Variants in ZMYND8 observed in about 807,000 individuals in gnomAD.
ZMYND8 encodes zinc finger MYND-type containing 8.
A neutral mutation model predicts 140.8 loss-of-function variants in ZMYND8; 37 were observed. The observed-to-expected ratio is 0.26, with a 90% CI of 0.20 to 0.35. The LOEUF is 0.35. Among genes scored for constraint, ZMYND8 ranks in the 10% least tolerant of loss-of-function variants. The pLI is 1.00. For synonymous variants in ZMYND8, 592 were observed against 597.1 expected, an observed-to-expected ratio of 0.99 and a Z score of 0.12; for missense variants, 1,068 against 1,570.0, an observed-to-expected ratio of 0.68 and a Z score of 5.40.
chr20:47,223,683 G>A (rs1025403136), intron 19 of ZMYND8, among the ~76,000 whole-genome samples: 5 of 151,648 alleles, frequency 3.3e-5, no homozygotes, highest in South Asian at 2.1e-4. Flanking sequence ...AAAATTAGCC[G>A]GGCATAGTGG....
chr20:47,268,659 C>A (rs528041936), intron 11 of ZMYND8, among the ~76,000 whole-genome samples: 2 of 151,252 alleles, frequency 1.3e-5, no homozygotes, highest in African/African-American at 4.9e-5. Context: ...CGCCTGTAAC[C>A]CCAGCTGTTC....
At chr20:47,346,156 G>A (rs2148584497) in intron 2 of ZMYND8, among the ~76,000 whole-genome samples, 1 of 152,172 alleles carries the variant, frequency 6.6e-6, no homozygotes, top group East Asian at 1.9e-4. Context: ...GCAGAACAGG[G>A]ACAAGACCCC....
chr20:47,254,332 C>A (rs967936872), intron 12 of ZMYND8, among the ~76,000 whole-genome samples: 2 of 152,186 alleles, frequency 1.3e-5, no homozygotes, highest in Non-Finnish European at 2.9e-5. Context: ...AAAATGTCGC[C>A]GCATGTGGCC....
intron 11 of ZMYND8, among the ~76,000 whole-genome samples, chr20:47,269,860 G>A (rs2075801375): frequency 6.6e-6 from 1 of 152,236 alleles, no homozygotes; most frequent in Non-Finnish European, 1.5e-5. Flanking sequence ...GATGAGCAGA[G>A]CATGGCCAGA....
chr20:47,255,716 A>ATG (rs1256666818), intron 12 of ZMYND8, among the ~76,000 whole-genome samples: 436 of 28,592 alleles, frequency 0.015, 13 homozygotes, highest in East Asian at 0.081. Context: ...TATACCGTGT[A>ATG]TGTGTGTATA....
intron 11 of ZMYND8, among the ~76,000 whole-genome samples, chr20:47,270,536 C>T (rs1189426487): frequency 6.6e-6 from 1 of 151,422 alleles, no homozygotes; most frequent in Non-Finnish European, 1.5e-5. Flanking sequence ...TGTGATGTAG[C>T]TTTTATTTAG....
At chr20:47,297,242 A>T (rs2077701015) in intron 4 of ZMYND8, among the ~76,000 whole-genome samples, 1 of 152,130 alleles carries the variant, frequency 6.6e-6, no homozygotes, top group South Asian at 2.1e-4. Context: ...TATCATCGTC[A>T]TCATATTGAT....
intron 11 of ZMYND8, 134 bp from the exon 12 acceptor site, chr20:47,262,562 T>G (rs938472161): frequency 1.6e-6 from 2 of 1,220,646 alleles, no homozygotes; most frequent in African/African-American, 3.0e-5. Flanking sequence ...GTATCACGAA[T>G]GGGGTGGGGT....
chr20:47,336,907 C>T (rs565569791), intron 2 of ZMYND8, among the ~76,000 whole-genome samples: 1 of 152,190 alleles, frequency 6.6e-6, no homozygotes, highest in Admixed American at 6.5e-5. Context: ...CCCCCTGCAT[C>T]CCCAGATGCC....
chr20:47,266,534 G>A (rs2075541930), intron 11 of ZMYND8, among the ~76,000 whole-genome samples: 1 of 152,074 alleles, frequency 6.6e-6, no homozygotes, highest in Non-Finnish European at 1.5e-5. Flanking sequence ...TACCCACCTA[G>A]GCCTCCCAAA....
chr20:47,319,892 C>T (rs1219851804), intron 2 of ZMYND8: 1 of 144,172 alleles, frequency 6.9e-6, no homozygotes, highest in Non-Finnish European at 1.5e-5. Flanking sequence ...GCCCCAAAGG[C>T]TCCCTCCAAC....
intron 2 of ZMYND8, among the ~76,000 whole-genome samples, chr20:47,347,611 T>A (rs2082437178): frequency 6.6e-6 from 1 of 152,096 alleles, no homozygotes; most frequent in Admixed American, 6.6e-5. Flanking sequence ...CCAGCCACCC[T>A]CAGTCATGAC....
In ZMYND8 at chr20:47,298,183, GA is replaced by G. The variant is rs924268318; in HGVS notation, c.453+545del. The G allele has an allele frequency of 0.039, 25,900 of 662,228 alleles. No homozygotes were observed. Among genetic ancestry groups the G allele is most frequent in the Non-Finnish European group, 0.044 (23,685 of 538,580 alleles). 41.0% of individuals were successfully genotyped at this position (662,228 alleles called of 1,614,324 possible). A position where few individuals can be genotyped will look rare whatever the true frequency, so the allele number is the denominator to read the frequency against. ...TTTTGGTTTTTGTCCTTTTCTGCTG[GA>G]AAAAAAAAAATGATCCATGCCTGTT... is the stretch of plus-strand genomic sequence containing the variant. On this transcript the variant is annotated intron_variant, in intron 4 of 22. Transcript: ENST00000471951. The surrounding 1 kb of genome is among the most constrained non-coding windows in gnomAD (Gnocchi z 5.0).
chr20:47,210,760 G>GC lies in ZMYND8; in HGVS notation c.3705dup. 1 of 1,614,136 alleles carries GC rather than the reference G, an allele frequency of 6.2e-7. No individual in the cohort carries two copies. The highest frequency in any genetic ancestry group is 2.2e-5 in the East Asian group (1 of 44,866). ...TGGGTGGTTTGTGTCCCGATTCACT[G>GC]CTAGTCCCAGAAGGTGTCCAGCCGA... On this transcript the variant is annotated 3_prime_UTR_variant, in exon 23 of 23. Coordinates refer to ENST00000471951, the MANE Select transcript of ZMYND8 (RefSeq NM_001281775.3).
At chr20:47,331,109 CAG>C (rs369977469) in intron 2 of ZMYND8, among the ~76,000 whole-genome samples, 5 of 152,098 alleles carry the variant, frequency 3.3e-5, no homozygotes, top group African/African-American at 1.2e-4. Context: ...GAATGGAACA[CAG>C]AGAGAACAGA....
intron 16 of ZMYND8, among the ~76,000 whole-genome samples, chr20:47,235,039 T>C (rs533924657): frequency 2.0e-5 from 3 of 152,198 alleles, no homozygotes; most frequent in Non-Finnish European, 4.4e-5. Context: ...TTCTAAAAAC[T>C]AGAACTGTTT....
chr20:47,323,832 A>G (rs2080168279), intron 2 of ZMYND8, among the ~76,000 whole-genome samples: 1 of 152,002 alleles, frequency 6.6e-6, no homozygotes, highest in East Asian at 1.9e-4. Flanking sequence ...CCTGGCTCAC[A>G]TGGCTGTGTG....
chr20:47,281,340 G>A (rs1444377625), intron 10 of ZMYND8, among the ~76,000 whole-genome samples: 2 of 152,180 alleles, frequency 1.3e-5, no homozygotes, highest in Admixed American at 6.5e-5. Context: ...TACATAATTT[G>A]TAGTATATAT....
chr20:47,334,870 A>G (rs1179661460), intron 2 of ZMYND8, among the ~76,000 whole-genome samples: 1 of 149,414 alleles, frequency 6.7e-6, no homozygotes, highest in African/African-American at 2.4e-5. Context: ...TCGGCCTCCC[A>G]AAGTGCTGGG....
Sources: gnomAD v4.1 joint callset for allele counts (sites outside exome capture counted in the v4.1 genomes callset) on GRCh38, gnomAD v4.1.1 for gene constraint, Gnocchi (gnomAD v3.1) non-coding constraint, MANE v1.5 for transcripts, NCBI Gene and HGNC (gene_info 2026-07-23, HGNC 2026-07-21) for gene names.